The following FCHSD2 variants were observed in gnomAD, a reference collection of about 807,000 sequenced individuals.
FCHSD2 encodes F-BAR and double SH3 domains protein 2.
In FCHSD2, 38 loss-of-function variants were observed where a neutral mutation model predicts 108.1. The ratio of observed to expected loss-of-function variants is 0.35; its 90% CI spans 0.27 to 0.46. The LOEUF (loss-of-function observed/expected upper bound fraction) is 0.46, where lower values mean the gene tolerates loss of function less well. Among genes scored for constraint, FCHSD2 ranks in the 20% least tolerant of loss-of-function variants. The probability of loss-of-function intolerance (pLI) is 1.00; values close to 1 mark genes in which losing one functional copy is unlikely to be tolerated. For missense variants in FCHSD2, 751 were observed against 897.8 expected (o/e 0.84, Z 2.09); for synonymous variants, 279 against 314.7 (o/e 0.89, Z 1.20).
At chr11:73,015,416 T>G (rs1857949142) in intron 4 of FCHSD2, among the ~76,000 whole-genome samples, 1 of 152,220 alleles carries the variant, frequency 6.6e-6, no homozygotes. Flanking sequence ...TATTTAGAAT[T>G]TATTTCAAAA....
intron 13 of FCHSD2, among the ~76,000 whole-genome samples, chr11:72,858,251 G>T (rs1348768383): frequency 6.6e-6 from 1 of 152,124 alleles, no homozygotes; most frequent in Non-Finnish European, 1.5e-5. Context: ...TACAACATGA[G>T]TAAGTTATCA....
rs1317741272 is a variant in FCHSD2, at chr11:73,106,900, G to A, written c.120-23160C>T. On this transcript the variant is annotated intron_variant, in intron 2 of 19. Coordinates refer to ENST00000409418, the MANE Select transcript of FCHSD2 (RefSeq NM_014824.3). ...TACAAGGATGAAATTACCTAATGAT[G>A]CATTTCTCAGAATATATCCCTGACA... 4.6e-5 allele frequency among the ~76,000 whole-genome samples: 7 copies of A among 152,158 alleles called. No homozygotes were observed. The South Asian group carries it at 1.0e-3, about 23-fold the overall frequency.
At chr11:72,923,567 A>G (rs1485024822) in intron 8 of FCHSD2, among the ~76,000 whole-genome samples, 3 of 152,066 alleles carry the variant, frequency 2.0e-5, no homozygotes. Context: ...GACTATGTTG[A>G]GCAACTTTTC....
At chr11:73,130,822 G>A (rs1251170019) in intron 2 of FCHSD2, among the ~76,000 whole-genome samples, 1 of 152,136 alleles carries the variant, frequency 6.6e-6, no homozygotes, top group African/African-American at 2.4e-5. Context: ...TTAGTCATTC[G>A]AAGTTGCATG....
intron 12 of FCHSD2, among the ~76,000 whole-genome samples, chr11:72,875,760 C>A (rs1483509609): frequency 6.6e-6 from 1 of 152,214 alleles, no homozygotes; most frequent in East Asian, 1.9e-4. Context: ...CCACTCCCAC[C>A]ATGATTCTGG....
intron 2 of FCHSD2, among the ~76,000 whole-genome samples, chr11:73,139,289 T>C (rs1861192270): frequency 6.6e-6 from 1 of 152,250 alleles, no homozygotes; most frequent in Non-Finnish European, 1.5e-5. Context: ...ATTTGATAAA[T>C]GTATTATACA....
At chr11:72,956,335 G>C (rs1044728568) in intron 8 of FCHSD2, among the ~76,000 whole-genome samples, 10 of 152,172 alleles carry the variant, frequency 6.6e-5, no homozygotes, top group African/African-American at 2.4e-4. Flanking sequence ...CATAAAGGTG[G>C]TTGATTCAGG....
At chr11:73,064,730 T>C (rs1214633098) in intron 3 of FCHSD2, among the ~76,000 whole-genome samples, 1 of 152,100 alleles carries the variant, frequency 6.6e-6, no homozygotes, top group Non-Finnish European at 1.5e-5. Context: ...TTTAAGCACC[T>C]GCATGCAAAT....
chr11:73,019,751 T>C lies in FCHSD2; in HGVS notation c.166-3866A>G, dbSNP rs559598772. Among the ~76,000 whole-genome samples the C allele has an allele frequency of 4.0e-4, 61 of 152,276 alleles. No individual in the cohort carries two copies. In the South Asian group the frequency reaches 5.2e-3, roughly 13 times the overall value. On this transcript the variant is annotated intron_variant, in intron 3 of 19. Transcript: ENST00000409418. ...ATTACAGTAAAGGTCCTAAATAATA[T>C]TGCACATTTCTGAAAGCATTCTATG... is the stretch of plus-strand genomic sequence containing the variant.
chr11:73,094,645 C>T (rs1860034773), intron 2 of FCHSD2, among the ~76,000 whole-genome samples: 1 of 152,112 alleles, frequency 6.6e-6, no homozygotes, highest in South Asian at 2.1e-4. Flanking sequence ...TTATAAATGA[C>T]ACTGCTTAAA....
intron 3 of FCHSD2, among the ~76,000 whole-genome samples, chr11:73,042,297 C>T (rs1355556403): frequency 6.6e-6 from 1 of 152,144 alleles, no homozygotes; most frequent in Non-Finnish European, 1.5e-5. Context: ...TTCCCAGTAG[C>T]ATTTATTAAA....
intron 10 of FCHSD2, among the ~76,000 whole-genome samples, chr11:72,893,750 A>G (rs79813422): frequency 6.7e-5 from 10 of 149,792 alleles, no homozygotes; most frequent in Non-Finnish European, 1.3e-4. Flanking sequence ...TCTGTCTCCA[A>G]AAAAAAAAAA....
intron 8 of FCHSD2, among the ~76,000 whole-genome samples, chr11:72,968,787 A>G (rs1247120434): frequency 6.6e-6 from 1 of 152,192 alleles, no homozygotes; most frequent in Admixed American, 6.5e-5. Flanking sequence ...CTCACTCCAG[A>G]GACCAGCAGT....
chr11:73,051,805 A>G (rs1480525030), intron 3 of FCHSD2, among the ~76,000 whole-genome samples: 3 of 151,946 alleles, frequency 2.0e-5, no homozygotes, highest in African/African-American at 7.2e-5. Context: ...GCTATTTCAA[A>G]TAAGTATTAG....
At chr11:72,906,270 G>A (rs1855628422) in intron 9 of FCHSD2, among the ~76,000 whole-genome samples, 7 of 151,974 alleles carry the variant, frequency 4.6e-5, no homozygotes. Flanking sequence ...ACTTTTTGAT[G>A]GCGTTGTTTT....
At chr11:72,867,577 C>T (rs1410168311) in intron 13 of FCHSD2, among the ~76,000 whole-genome samples, 1 of 152,074 alleles carries the variant, frequency 6.6e-6, no homozygotes, top group Non-Finnish European at 1.5e-5. Context: ...CTTCCAGACA[C>T]GAAGCATATT....
intron 8 of FCHSD2, 87 bp downstream of exon 8, chr11:72,984,001 G>T: frequency 9.5e-7 from 1 of 1,053,058 alleles, no homozygotes; most frequent in Non-Finnish European, 1.4e-6. Flanking sequence ...CTCTTTTATA[G>T]ATTCAATCCC....
chr11:72,857,581 G>A (rs1454267666), intron 13 of FCHSD2, among the ~76,000 whole-genome samples: 3 of 151,362 alleles, frequency 2.0e-5, no homozygotes, highest in Non-Finnish European at 4.4e-5. Context: ...TGGGACTACA[G>A]GTGTGTGCCA....
intron 3 of FCHSD2, among the ~76,000 whole-genome samples, chr11:73,078,853 G>A (rs894823448): frequency 6.6e-5 from 10 of 152,168 alleles, no homozygotes; most frequent in South Asian, 2.1e-4. Context: ...AAGTAGTTAC[G>A]ACTAGAGGCA....
Sources: allele counts gnomAD v4.1 joint callset (sites outside exome capture counted in the v4.1 genomes callset), GRCh38; gene constraint gnomAD v4.1.1; transcripts MANE v1.5; gene names NCBI Gene and HGNC (gene_info 2026-07-23, HGNC 2026-07-21).